Variants in ORMDL3 observed in about 807,000 individuals in gnomAD.
The protein encoded by ORMDL3 is ORM1-like protein 3.
A neutral mutation model predicts 12.6 loss-of-function variants in ORMDL3; 6 were observed. The observed-to-expected ratio is 0.48, with a 90% CI of 0.26 to 0.94. The LOEUF (loss-of-function observed/expected upper bound fraction) is 0.94, where lower values mean the gene tolerates loss of function less well. ORMDL3 is among the 40% of genes least tolerant of loss of function. The pLI is 0.14. For synonymous variants in ORMDL3, 99 were observed against 87.2 expected (o/e 1.14, Z -0.75); for missense variants, 159 against 205.5 (o/e 0.77, Z 1.38).
intron 1 of ORMDL3, chr17:39,926,872 C>G (rs1978457041): frequency 3.0e-6 from 3 of 986,002 alleles, no homozygotes; most frequent in Non-Finnish European, 3.6e-6. Flanking sequence ...GGGACCCCAA[C>G]GGGGAGTCCG....
chr17:39,926,367 C>G (rs1978419587), intron 1 of ORMDL3: 2 of 152,246 alleles, frequency 1.3e-5, no homozygotes, highest in Admixed American at 1.3e-4. Flanking sequence ...AATAAACTAA[C>G]AAAAAGACTG....
chr17:39,922,204 T>TGAACA lies in ORMDL3; in HGVS notation c.*345_*346insTGTTC. ...CTTTGGCTGCCTGAGGGCAAACAAGTGAGCAGGGGTTTTTCCCCTGGCCTC... is the reference window on the plus strand; with the variant it reads ...CTTTGGCTGCCTGAGGGCAAACAAGTGAACAGAGCAGGGGTTTTTCCCCTGGCCTC... On this transcript the variant is annotated 3_prime_UTR_variant, in exon 4 of 4. Transcript: ENST00000304046. 5.1e-6 allele frequency: 1 copy of TGAACA among 195,950 alleles called. No homozygotes were observed. Among genetic ancestry groups the TGAACA allele is most frequent in the Non-Finnish European group, 1.0e-5 (1 of 95,962 alleles). 12.1% of individuals were successfully genotyped at this position (195,950 alleles called of 1,614,324 possible).
Position 39,923,265 on chromosome 17 carries a change from T to C in ORMDL3, c.175-2A>G. 6.2e-7 allele frequency: 1 copy of C among 1,614,080 alleles called. No homozygotes were observed. Among genetic ancestry groups the C allele is most frequent in the Non-Finnish European group, 8.5e-7 (1 of 1,179,970 alleles). ...CGTGTGCAGGAAGATATACATGCCC[T>C]GGAGGAAGAAGTCTTTGTTAGAGGA... On this transcript the variant is annotated splice_acceptor_variant, in intron 2 of 3. Coordinates refer to ENST00000304046, the MANE Select transcript of ORMDL3 (RefSeq NM_139280.4). LOFTEE classifies it high-confidence loss of function.
At chr17:39,925,676 G>A (rs1319862183) in intron 1 of ORMDL3, 1 of 152,178 alleles carries the variant, frequency 6.6e-6, no homozygotes, top group African/African-American at 2.4e-5. Flanking sequence ...AGGATAACAG[G>A]AGCAAGTTTC....
In ORMDL3 at chr17:39,923,275, A is replaced by G. The variant is rs1369555502; in HGVS notation, c.175-12T>C. On this transcript the variant is annotated splice_polypyrimidine_tract_variant and intron_variant, in intron 2 of 3. Coordinates refer to ENST00000304046, the MANE Select transcript of ORMDL3 (RefSeq NM_139280.4). ...AAGATATACATGCCCTGGAGGAAGA[A>G]GTCTTTGTTAGAGGATACAAAAGGG... 6.2e-7 allele frequency: 1 copy of G among 1,613,964 alleles called. No individual in the cohort carries two copies. Among genetic ancestry groups the G allele is most frequent in the Admixed American group, 1.7e-5 (1 of 60,012 alleles).
At chr17:39,924,362 A>G (rs1246437402) in intron 1 of ORMDL3, 137 bp from the exon 2 acceptor site, 4 of 788,328 alleles carry the variant, frequency 5.1e-6, no homozygotes, top group East Asian at 2.8e-5. Context: ...TGAAGCATGG[A>G]AAGTGGAGAA....
At chr17:39,926,761 A>G (rs1978449499) in intron 1 of ORMDL3, 2 of 982,102 alleles carry the variant, frequency 2.0e-6, no homozygotes, top group South Asian at 9.4e-5. Context: ...GGCAGCCACC[A>G]GGTGAGCCCT....
rs1432046985 is a variant in ORMDL3, at chr17:39,927,501, C to T, written c.-40G>A. On this transcript the variant is annotated 5_prime_UTR_variant, in exon 1 of 4. Coordinates refer to ENST00000304046, the MANE Select transcript of ORMDL3 (RefSeq NM_139280.4). ...GGGCTCACCGTGTGGGGCCGAAGAT[C>T]AACGGCCCGGGAACGGTTCCCGGGA... 3.0e-6 allele frequency: 3 copies of T among 985,244 alleles called. No homozygotes were observed. The highest frequency in any genetic ancestry group is 1.7e-5 in the African/African-American group (1 of 57,202). 61.0% of individuals were successfully genotyped at this position (985,244 alleles called of 1,614,324 possible).
rs1978300477 is a variant in ORMDL3 at position 39,922,217 on chromosome 17, T to C, written c.*333A>G. On this transcript the variant is annotated 3_prime_UTR_variant, in exon 4 of 4. Transcript: ENST00000304046. Reference sequence around the variant, plus strand: ...AGGGCAAACAAGTGAGCAGGGGTTTTTCCCCTGGCCTCCTGTCGCAACTGC... The same window carrying C: ...AGGGCAAACAAGTGAGCAGGGGTTTCTCCCCTGGCCTCCTGTCGCAACTGC... The C allele has an allele frequency of 9.6e-6, 2 of 207,424 alleles. No individual in the cohort carries two copies. Among genetic ancestry groups the C allele is most frequent in the Non-Finnish European group, 1.9e-5 (2 of 103,248 alleles). 12.8% of individuals were successfully genotyped at this position (207,424 alleles called of 1,614,324 possible). A position where few individuals can be genotyped will look rare whatever the true frequency, so the allele number is the denominator to read the frequency against.
At position 39,921,787 on chromosome 17, in the gene ORMDL3, C is replaced by T. The variant is rs977587758; in HGVS notation, c.*763G>A. 3.9e-5 allele frequency: 6 copies of T among 152,440 alleles called. No homozygotes were observed. Among genetic ancestry groups the T allele is most frequent in the Admixed American group, 6.5e-5 (1 of 15,278 alleles). 9.4% of individuals were successfully genotyped at this position (152,440 alleles called of 1,614,324 possible). A position where few individuals can be genotyped will look rare whatever the true frequency, so the allele number is the denominator to read the frequency against. On this transcript the variant is annotated 3_prime_UTR_variant, in exon 4 of 4. Coordinates refer to ENST00000304046, the MANE Select transcript of ORMDL3 (RefSeq NM_139280.4). ...GGTCTAGCTTCTGTCCCTACCCCTC[C>T]CTCCCTTACACCAGTCCTCTGCTGC...
Position 39,923,278 on chromosome 17 carries a change from C to T in ORMDL3, c.175-15G>A. On this transcript the variant is annotated splice_polypyrimidine_tract_variant and intron_variant, in intron 2 of 3. Coordinates refer to ENST00000304046, the MANE Select transcript of ORMDL3 (RefSeq NM_139280.4). ...ATATACATGCCCTGGAGGAAGAAGT[C>T]TTTGTTAGAGGATACAAAAGGGAAA... 6.2e-7 allele frequency: 1 copy of T among 1,613,884 alleles called. No individual in the cohort carries two copies. Among genetic ancestry groups the T allele is most frequent in the Non-Finnish European group, 8.5e-7 (1 of 1,179,806 alleles).
intron 1 of ORMDL3, 47 bp from the exon 2 acceptor site, chr17:39,924,272 C>G: frequency 2.0e-6 from 3 of 1,502,976 alleles, no homozygotes; most frequent in Non-Finnish European, 2.7e-6. Context: ...GCTTTCCCTG[C>G]CCCCTCTCAC....
Position 39,922,449 on chromosome 17 carries a change from G to T in ORMDL3, c.*101C>A. 2 of 1,367,950 alleles carry T rather than the reference G, an allele frequency of 1.5e-6. No homozygotes were observed. Among genetic ancestry groups the T allele is most frequent in the Non-Finnish European group, 2.0e-6 (2 of 1,015,248 alleles). The allele number at this position is 1,367,950 out of a possible 1,614,324, so 84.7% of individuals were successfully genotyped here. ...GCCAGAGGCTCAACCCCCATCTCTG[G>T]CAGTGTCCAGAGGCTTCTTCTTTCT... On this transcript the variant is annotated 3_prime_UTR_variant, in exon 4 of 4. Transcript: ENST00000304046.
chr17:39,927,197 T>G, intron 1 of ORMDL3: 1 of 221,346 alleles, frequency 4.5e-6, no homozygotes, highest in Non-Finnish European at 7.6e-6. Context: ...CTCCACGCGT[T>G]CACCCAGCCC....
intron 2 of ORMDL3, 125 bp from the exon 3 acceptor site, chr17:39,923,388 T>C: frequency 9.0e-7 from 1 of 1,115,106 alleles, no homozygotes; most frequent in Non-Finnish European, 1.3e-6. Context: ...GGCAGGGGGA[T>C]ATGGGCTGGA....
intron 2 of ORMDL3, 122 bp downstream of exon 2, chr17:39,923,908 G>A (rs939436170): frequency 4.6e-5 from 48 of 1,041,912 alleles, no homozygotes; most frequent in Non-Finnish European, 5.5e-5. Context: ...GGCAGATGTC[G>A]TCAGTACATC....
Position 39,924,222 on chromosome 17 carries a change from T to C in ORMDL3, c.-19A>G, listed in dbSNP as rs1227618629. 1 of 1,588,354 alleles carries C rather than the reference T, an allele frequency of 6.3e-7. No individual in the cohort carries two copies. The highest frequency in any genetic ancestry group is 1.2e-5 in the South Asian group (1 of 86,140). ...CATTCATCCTGCTGCCCCTCTCTGCTGTTCTGCAAACAAGCAGCACAGGTC... is the reference window on the plus strand; with the variant it reads ...CATTCATCCTGCTGCCCCTCTCTGCCGTTCTGCAAACAAGCAGCACAGGTC... On this transcript the variant is annotated 5_prime_UTR_variant, in exon 2 of 4. Transcript: ENST00000304046.
chr17:39,924,104 G>A lies in ORMDL3; in HGVS notation c.100C>T (p.His34Tyr), dbSNP rs533446737. ...LSYVLAIGLL[H>Y]IVLLSIPFVS... ...AACGGGATGCTCAGCAGCACGATGT[G>A]GAGGAGACCGATGGCCAGCACGTAG... The change falls in exon 2 of 4, where the codon CAC (histidine) becomes TAC (tyrosine). Residue 34 changes from histidine (H) to tyrosine (Y), a missense_variant. Transcript: ENST00000304046. 4 of 1,614,122 alleles carry A rather than the reference G, an allele frequency of 2.5e-6. No individual in the cohort carries two copies. The African/African-American group carries it at 5.3e-5, about 22-fold the overall frequency.
At chr17:39,923,826 T>A (rs1890069236) in intron 2 of ORMDL3, among the ~76,000 whole-genome samples, 1 of 151,860 alleles carries the variant, frequency 6.6e-6, no homozygotes, top group Admixed American at 6.6e-5. Context: ...TTGATTCCTG[T>A]CATGGTACAC....
Sources: allele counts gnomAD v4.1 joint callset (sites outside exome capture counted in the v4.1 genomes callset), GRCh38; gene constraint gnomAD v4.1.1; transcripts MANE v1.5; gene names NCBI Gene and HGNC (gene_info 2026-07-23, HGNC 2026-07-21).